Variants in GSK3B observed in about 807,000 individuals in gnomAD.
GSK3B encodes the protein glycogen synthase kinase-3 beta.
A neutral mutation model predicts 56.4 loss-of-function variants in GSK3B; 15 were observed. That is an observed-to-expected ratio of 0.27 (90% CI 0.18 to 0.41). The LOEUF is 0.41. Ranked by LOEUF, GSK3B falls within the 10% of genes least tolerant of loss-of-function variation. The pLI is 1.00. For synonymous variants in GSK3B, 181 were observed against 188.9 expected, an observed-to-expected ratio of 0.96 and a Z score of 0.34; for missense variants, 300 against 513.4, an observed-to-expected ratio of 0.58 and a Z score of 4.02.
chr3:120,040,983 A>G (rs2058060751), intron 1 of GSK3B, among the ~76,000 whole-genome samples: 2 of 152,138 alleles, frequency 1.3e-5, no homozygotes, highest in African/African-American at 4.8e-5. Flanking sequence ...CATGCACCTA[A>G]GTCGCCAGGC....
In GSK3B at chr3:119,875,359, T is replaced by G. The variant is rs149086455; in HGVS notation, c.909+1054A>C. 3.3e-5 allele frequency among the ~76,000 whole-genome samples: 5 copies of G among 152,216 alleles called. No homozygotes were observed. The East Asian group carries it at 9.6e-4, about 29-fold the overall frequency. On this transcript the variant is annotated intron_variant, in intron 8 of 10. Coordinates refer to ENST00000264235, the MANE Select transcript of GSK3B (RefSeq NM_001146156.2). ...AAATTATTTCACCTATAGCCCTAAA[T>G]GACTTCACCTCGAATTATAAAAGAT...
intron 2 of GSK3B, among the ~76,000 whole-genome samples, chr3:119,977,568 A>G (rs1228937148): frequency 2.6e-5 from 4 of 152,186 alleles, no homozygotes. Context: ...CTTCCACCTA[A>G]TTATAGCCTC....
intron 1 of GSK3B, among the ~76,000 whole-genome samples, chr3:120,026,557 A>ACACACACACACT (rs2057928657): frequency 6.7e-6 from 1 of 149,276 alleles, no homozygotes; most frequent in African/African-American, 2.5e-5. Context: ...ACACACAAAC[A>ACACACACACACT]CACACACACT....
chr3:120,020,439 T>C (rs528205606), intron 1 of GSK3B, among the ~76,000 whole-genome samples: 2 of 152,216 alleles, frequency 1.3e-5, no homozygotes, highest in Non-Finnish European at 2.9e-5. Flanking sequence ...TCCAACAGCA[T>C]ATGCTCACTT....
At chr3:120,015,643 C>CT (rs1491059494) in intron 1 of GSK3B, among the ~76,000 whole-genome samples, 16 of 93,124 alleles carry the variant, frequency 1.7e-4, no homozygotes, top group African/African-American at 7.1e-4. Flanking sequence ...GGGTGAGACT[C>CT]TGTCTCAAAA....
intron 1 of GSK3B, among the ~76,000 whole-genome samples, chr3:120,044,865 T>C (rs1404423429): frequency 1.3e-5 from 2 of 152,202 alleles, no homozygotes; most frequent in African/African-American, 2.4e-5. Context: ...TCCCAAACAA[T>C]ACTGCCCCCA....
chr3:120,030,023 T>C (rs2057961700), intron 1 of GSK3B, among the ~76,000 whole-genome samples: 1 of 152,124 alleles, frequency 6.6e-6, no homozygotes, highest in Admixed American at 6.6e-5. Context: ...GTCTGTCTTT[T>C]AAAAGGTGAA....
At chr3:119,953,869 G>T (rs2057183739) in intron 2 of GSK3B, among the ~76,000 whole-genome samples, 1 of 152,040 alleles carries the variant, frequency 6.6e-6, no homozygotes, top group Non-Finnish European at 1.5e-5. Flanking sequence ...TCTCCCTGCA[G>T]CACTTACAAA....
At chr3:119,931,508 C>T (rs2056945524) in intron 3 of GSK3B, among the ~76,000 whole-genome samples, 1 of 152,042 alleles carries the variant, frequency 6.6e-6, no homozygotes, top group Admixed American at 6.6e-5. Context: ...CCCAGCTACT[C>T]AGGAGGCTGA....
intron 10 of GSK3B, chr3:119,833,014 G>A (rs1018856600): frequency 1.0e-6 from 1 of 975,842 alleles, no homozygotes; most frequent in Non-Finnish European, 1.2e-6. Context: ...AGATAATGGA[G>A]TCATGGATTA....
intron 1 of GSK3B, among the ~76,000 whole-genome samples, chr3:120,062,687 A>G (rs952932882): frequency 2.6e-5 from 4 of 152,200 alleles, no homozygotes; most frequent in Non-Finnish European, 5.9e-5. Context: ...CCTAGGTGCT[A>G]GGGACCCAGT....
chr3:119,920,329 T>C (rs2056827111), intron 4 of GSK3B, among the ~76,000 whole-genome samples: 2 of 152,190 alleles, frequency 1.3e-5, no homozygotes, highest in Admixed American at 6.5e-5. Context: ...AACCTCTGCT[T>C]CTCAGGTACA....
chr3:119,879,854 C>G (rs2056359829), intron 7 of GSK3B, among the ~76,000 whole-genome samples: 1 of 152,196 alleles, frequency 6.6e-6, no homozygotes, highest in South Asian at 2.1e-4. Context: ...TTTATCCATT[C>G]ATGAAGTGTC....
intron 6 of GSK3B, among the ~76,000 whole-genome samples, chr3:119,906,658 C>T (rs1025276141): frequency 4.6e-5 from 7 of 151,940 alleles, no homozygotes; most frequent in Admixed American, 2.6e-4. Context: ...TTTTAAAGCC[C>T]GCTATTAAGA....
intron 7 of GSK3B, among the ~76,000 whole-genome samples, chr3:119,891,561 T>C (rs1005310340): frequency 5.3e-5 from 8 of 152,190 alleles, no homozygotes; most frequent in Admixed American, 1.3e-4. Flanking sequence ...TATCATTTCA[T>C]ACACAAAACA....
chr3:120,041,348 T>C (rs1325729973), intron 1 of GSK3B: 6 of 315,680 alleles, frequency 1.9e-5, no homozygotes, highest in Non-Finnish European at 3.2e-5. Flanking sequence ...GGGCCAGTGC[T>C]GGAAGTAGAG....
At chr3:119,884,999 C>G (rs1469599862) in intron 7 of GSK3B, among the ~76,000 whole-genome samples, 1 of 151,862 alleles carries the variant, frequency 6.6e-6, no homozygotes, top group Non-Finnish European at 1.5e-5. Context: ...AGCAATCAGG[C>G]AGGAGAAAAA....
intron 1 of GSK3B, among the ~76,000 whole-genome samples, chr3:120,030,642 C>G (rs977720682): frequency 6.6e-6 from 1 of 152,144 alleles, no homozygotes; most frequent in Non-Finnish European, 1.5e-5. Context: ...TATTCTTTTA[C>G]CACCCCCATC....
intron 6 of GSK3B, among the ~76,000 whole-genome samples, chr3:119,906,659 G>A (rs566038903): frequency 6.6e-6 from 1 of 151,940 alleles, no homozygotes; most frequent in Admixed American, 6.6e-5. Flanking sequence ...TTTAAAGCCC[G>A]CTATTAAGAC....
Sources: allele counts gnomAD v4.1 joint callset (sites outside exome capture counted in the v4.1 genomes callset), GRCh38; gene constraint gnomAD v4.1.1; transcripts MANE v1.5; gene names NCBI Gene and HGNC (gene_info 2026-07-23, HGNC 2026-07-21).